GOT1L1: variants seen among roughly 807,000 people sequenced by gnomAD.
GOT1L1 encodes the protein aspartate aminotransferase, cytoplasmic 2.
In GOT1L1, 38 loss-of-function variants were observed where a neutral mutation model predicts 43.6. The observed-to-expected ratio is 0.87, with a 90% CI of 0.67 to 1.14. The LOEUF is 1.14. Ranked by LOEUF, GOT1L1 falls within the 50% of genes most tolerant of loss-of-function variation. The probability of loss-of-function intolerance (pLI) is 0.00; values close to 1 mark genes in which losing one functional copy is unlikely to be tolerated. For synonymous variants in GOT1L1, 183 were observed against 187.2 expected (o/e 0.98, Z 0.18); for missense variants, 482 against 504.0 (o/e 0.96, Z 0.42).
At chr8:37,935,049 G>A (rs375648384) in intron 8 of GOT1L1, 24 bp downstream of exon 8, 222 of 1,612,896 alleles carry the variant, frequency 1.4e-4, no homozygotes, top group Middle Eastern at 8.2e-4. Flanking sequence ...AGAAAGGGGG[G>A]ACACCAGCCC....
chr8:37,937,157 A>G (rs1481684266), intron 4 of GOT1L1, 100 bp from the exon 5 acceptor site: 4 of 1,307,954 alleles, frequency 3.1e-6, no homozygotes, highest in Non-Finnish European at 4.4e-6. Flanking sequence ...GTTACCATTG[A>G]AGGGCCAGGC....
At position 37,937,633 on chromosome 8, in the gene GOT1L1, C is replaced by T; in HGVS notation, c.409+5G>A. 3.1e-6 allele frequency: 5 copies of T among 1,591,890 alleles called. No homozygotes were observed. Among genetic ancestry groups the T allele is most frequent in the Non-Finnish European group, 4.3e-6 (5 of 1,164,232 alleles). ...GCTGTTCCCCTCATCTTGGGTAAGA[C>T]TAACCTTTTTGAGAAGAGATGATGT... On this transcript the variant is annotated splice_donor_5th_base_variant and intron_variant, in intron 3 of 8. Coordinates refer to ENST00000307599, the MANE Select transcript of GOT1L1 (RefSeq NM_152413.3).
chr8:37,938,710 A>G lies in GOT1L1; in HGVS notation c.287T>C (p.Val96Ala). The change falls in exon 2 of 9, where the codon GTG becomes GCG. Residue 96 changes from valine to alanine, a missense_variant. Val to Ala is a moderately conservative substitution (Grantham distance 64). Coordinates refer to ENST00000307599, the MANE Select transcript of GOT1L1 (RefSeq NM_152413.3). ...LLFGKHSQAI[V>A]ENRVGGVHTV... ...GGCCCACCTTCTCACCCTGTTCTCC[A>G]CAATGGCTTGGCTGTGCTTTCCAAA... 6.3e-7 allele frequency: 1 copy of G among 1,586,708 alleles called. No homozygotes were observed. The highest frequency in any genetic ancestry group is 8.6e-7 in the Non-Finnish European group (1 of 1,165,822).
Position 37,936,810 on chromosome 8 carries a change from C to G in GOT1L1, c.673G>C (p.Glu225Gln). Residue 225 changes from glutamate (E) to glutamine (Q), a missense_variant, in exon 6 of 9, where the codon GAA becomes CAA. Coordinates refer to ENST00000307599, the MANE Select transcript of GOT1L1 (RefSeq NM_152413.3). ...TATTGTAAGATTCTAGTATCTTCTT[C>G]CAAGTCACTGGTGTATAAACCTTGA... ...PCQGLYTSDL[E>Q]EDTRILQYFV... 1 of 1,611,802 alleles carries G rather than the reference C, an allele frequency of 6.2e-7. No homozygotes were observed. The highest frequency in any genetic ancestry group is 1.3e-5 in the African/African-American group (1 of 74,992).
intron 3 of GOT1L1, 106 bp from the exon 4 acceptor site, chr8:37,937,492 A>T: frequency 3.0e-6 from 3 of 984,442 alleles, no homozygotes; most frequent in Non-Finnish European, 4.6e-6. Context: ...GTGGGACATT[A>T]ACAGGAAAAG....
intron 2 of GOT1L1, among the ~76,000 whole-genome samples, chr8:37,938,164 G>A (rs538043139): frequency 6.6e-6 from 1 of 152,330 alleles, no homozygotes; most frequent in East Asian, 1.9e-4. Context: ...TTGGGAGGAC[G>A]AGGCAGGGAA....
intron 4 of GOT1L1, 66 bp downstream of exon 4, chr8:37,937,211 G>A: frequency 8.1e-7 from 1 of 1,241,414 alleles, no homozygotes; most frequent in Admixed American, 2.1e-5. Context: ...AAGAGGTGTG[G>A]GGAGGAGAGG....
chr8:37,936,653 C>T (rs1313552696), intron 6 of GOT1L1, 67 bp downstream of exon 6: 5 of 1,413,520 alleles, frequency 3.5e-6, no homozygotes, highest in African/African-American at 2.9e-5. Context: ...ATATCAAAAA[C>T]ATCACTGTGC....
chr8:37,935,616 G>C lies in GOT1L1; in HGVS notation c.929+88C>G, dbSNP rs150346299. 2.7e-4 allele frequency: 332 copies of C among 1,235,088 alleles called. 1 individual carries two copies. Among genetic ancestry groups the C allele is most frequent in the South Asian group, 6.3e-4 (37 of 58,528 alleles). The allele number at this position is 1,235,088 out of a possible 1,614,324, so 76.5% of individuals were successfully genotyped here. A position where few individuals can be genotyped will look rare whatever the true frequency, so the allele number is the denominator to read the frequency against. On this transcript the variant is annotated intron_variant, in intron 7 of 8. Coordinates refer to ENST00000307599, the MANE Select transcript of GOT1L1 (RefSeq NM_152413.3). The stretch of plus-strand genomic sequence containing the variant: ...GTAAAAAGGCCACATGGGCAGGAGA[G>C]AAGCACCCTGCCGAATCCTGCAGAT...
intron 3 of GOT1L1, 69 bp downstream of exon 3, chr8:37,937,569 G>T: frequency 8.3e-7 from 1 of 1,202,686 alleles, no homozygotes; most frequent in Non-Finnish European, 1.2e-6. Flanking sequence ...CAGTGAAGAT[G>T]GCAAATGGGG....
chr8:37,936,991 AC>A lies in GOT1L1; in HGVS notation c.585del (p.Trp196GlyfsTer4). The A allele has an allele frequency of 6.2e-7, 1 of 1,613,910 alleles. No individual in the cohort carries two copies. Among genetic ancestry groups the A allele is most frequent in the Non-Finnish European group, 8.5e-7 (1 of 1,179,868 alleles). On this transcript the variant is annotated frameshift_variant, in exon 5 of 9. Coordinates refer to ENST00000307599, the MANE Select transcript of GOT1L1 (RefSeq NM_152413.3). LOFTEE classifies it high-confidence loss of function. Reference protein sequence around the residue: ...NIIDCKLTPSGWAKLMSMIKS... With the variant: ...NIIDCKLTPSXWAKLMSMIKS... ...TTTATCATGGACATCAACTTTGCCC[AC>A]CCACTTGGTGTCAACTTGCAGTCGA...
In GOT1L1 at chr8:37,934,354, G is replaced by A. The variant is rs542824630; in HGVS notation, c.1205C>T (p.Thr402Ile). The change falls in exon 9 of 9, where the codon ACA (threonine) becomes ATA (isoleucine). Residue 402 changes from threonine to isoleucine, a missense_variant. Physicochemically the swap from Thr to Ile is moderately conservative, Grantham distance 89. Coordinates refer to ENST00000307599, the MANE Select transcript of GOT1L1 (RefSeq NM_152413.3). ...TGGAAGACACATCTCTGAGCTCTCT[G>A]TGAGGAGGACAGCCTCATTGATGCC... is the stretch of plus-strand genomic sequence containing the variant. The part of the protein sequence containing the change: ...TEGINEAVLL[T>I]ESSEMCLPKE... 1.2e-6 allele frequency: 2 copies of A among 1,613,674 alleles called. No homozygotes were observed. Among genetic ancestry groups the A allele is most frequent in the Middle Eastern group, 1.6e-4 (1 of 6,062 alleles).
At chr8:37,935,580 G>T in intron 7 of GOT1L1, 124 bp downstream of exon 7, 1 of 906,604 alleles carries the variant, frequency 1.1e-6, no homozygotes, top group Non-Finnish European at 1.6e-6. Context: ...AAATGTTGAT[G>T]AATGAATGGA....
chr8:37,934,907 C>A (rs1415604629), intron 8 of GOT1L1, 166 bp downstream of exon 8: 2 of 715,576 alleles, frequency 2.8e-6, no homozygotes, highest in South Asian at 1.9e-5. Flanking sequence ...TAGGGAGTGT[C>A]GGTACTTCTG....
intron 4 of GOT1L1, 68 bp from the exon 5 acceptor site, chr8:37,937,125 G>A (rs1454437911): frequency 6.9e-7 from 1 of 1,459,652 alleles, no homozygotes; most frequent in African/African-American, 1.4e-5. Flanking sequence ...GGCATTTGGG[G>A]GTGAAGTGCT....
At chr8:37,939,431 A>AATTAT in intron 1 of GOT1L1, among the ~76,000 whole-genome samples, 1 of 41,696 alleles carries the variant, frequency 2.4e-5, no homozygotes, top group Non-Finnish European at 4.6e-5. Flanking sequence ...AAAAAAAAAA[A>AATTAT]ATATATATAT....
At chr8:37,939,307 A>T (rs1271093366) in intron 1 of GOT1L1, among the ~76,000 whole-genome samples, 5 of 150,552 alleles carry the variant, frequency 3.3e-5, no homozygotes, top group Admixed American at 1.3e-4. Context: ...CCAGCTACTC[A>T]GGAGGCTGAG....
At chr8:37,939,427 A>ATATATAT (rs1325712089) in intron 1 of GOT1L1, among the ~76,000 whole-genome samples, 2 of 51,012 alleles carry the variant, frequency 3.9e-5, no homozygotes, top group African/African-American at 8.4e-5. Flanking sequence ...AAAAAAAAAA[A>ATATATAT]AAAAATATAT....
At position 37,939,911 on chromosome 8, in the gene GOT1L1, C is replaced by T. The variant is rs768145741; in HGVS notation, c.115+4G>A. ...CTTATACTTCAGAACTGCTAGGCAT[C>T]TACCTCTATAGGCTAAGAATATCTT... On this transcript the variant is annotated splice_donor_region_variant and intron_variant, in intron 1 of 8. Transcript: ENST00000307599. 1 of 1,612,220 alleles carries T rather than the reference C, an allele frequency of 6.2e-7. No homozygotes were observed.
Sources: allele counts gnomAD v4.1 joint callset (sites outside exome capture counted in the v4.1 genomes callset), GRCh38; gene constraint gnomAD v4.1.1; transcripts MANE v1.5; gene names NCBI Gene and HGNC (gene_info 2026-07-23, HGNC 2026-07-21).